CAMTA1: variants seen among roughly 807,000 people sequenced by gnomAD.
The protein encoded by CAMTA1 is calmodulin binding transcription activator 1, also known as calmodulin-binding transcription activator 1.
In CAMTA1, 27 loss-of-function variants were observed where a neutral mutation model predicts 170.9. The observed-to-expected ratio is 0.16, with a 90% CI of 0.12 to 0.22. The LOEUF (loss-of-function observed/expected upper bound fraction) is 0.22, where lower values mean the gene tolerates loss of function less well. Ranked by LOEUF, CAMTA1 falls within the 10% of genes least tolerant of loss-of-function variation. The probability of loss-of-function intolerance (pLI) is 1.00; values close to 1 mark genes in which losing one functional copy is unlikely to be tolerated. For synonymous variants in CAMTA1, 833 were observed against 891.5 expected, an observed-to-expected ratio of 0.93 and a Z score of 1.17; for missense variants, 1,619 against 2,217.2, an observed-to-expected ratio of 0.73 and a Z score of 5.42.
intron 3 of CAMTA1, among the ~76,000 whole-genome samples, chr1:6,889,760 G>T (rs1328131397): frequency 6.6e-6 from 1 of 152,092 alleles, no homozygotes; most frequent in South Asian, 2.1e-4. Context: ...TTATCCATAC[G>T]ACAACCCCTG....
intron 4 of CAMTA1, among the ~76,000 whole-genome samples, chr1:7,217,354 A>G (rs2149104725): frequency 6.6e-6 from 1 of 152,326 alleles, no homozygotes; most frequent in Non-Finnish European, 1.5e-5. Context: ...CTTTCCTTTT[A>G]TAAATTACCC....
rs1429541097 is a variant in CAMTA1, at chr1:7,562,913, C to T, written c.511-77487C>T. 6.6e-6 allele frequency among the ~76,000 whole-genome samples: 1 copy of T among 152,190 alleles called. No homozygotes were observed. Among genetic ancestry groups the T allele is most frequent in the East Asian group, 1.9e-4 (1 of 5,176 alleles). On this transcript the variant is annotated intron_variant, in intron 6 of 22. Coordinates refer to ENST00000303635, the MANE Select transcript of CAMTA1 (RefSeq NM_015215.4). This position sits in a 1 kb window ranked among gnomAD's most constrained non-coding sequence, Gnocchi z 4.8. ...TCCCAGGGCCCCATGGGCTGTTTAG[C>T]CAGAGCTTGGGGCCCACCCACCCCA... is the stretch of plus-strand genomic sequence containing the variant.
At chr1:7,022,313 G>C (rs1290965958) in intron 3 of CAMTA1, among the ~76,000 whole-genome samples, 1 of 152,014 alleles carries the variant, frequency 6.6e-6, no homozygotes, top group Non-Finnish European at 1.5e-5. Context: ...CTTCCCTCCA[G>C]ACTTTGGCTG....
chr1:7,385,847 T>C (rs943497021), intron 5 of CAMTA1, among the ~76,000 whole-genome samples: 2 of 152,134 alleles, frequency 1.3e-5, no homozygotes, highest in African/African-American at 4.8e-5. Context: ...ACGGTCTGAT[T>C]GAAATCCGAG....
chr1:7,260,026 C>T lies in CAMTA1; in HGVS notation c.438+10400C>T, dbSNP rs749957097. Among the ~76,000 whole-genome samples, 64 of 152,224 alleles carry T rather than the reference C, an allele frequency of 4.2e-4. 1 individual carries two copies. Among genetic ancestry groups the T allele is most frequent in the Non-Finnish European group, 1.5e-4 (10 of 68,032 alleles). On this transcript the variant is annotated intron_variant, in intron 5 of 22. Coordinates refer to ENST00000303635, the MANE Select transcript of CAMTA1 (RefSeq NM_015215.4). Reference sequence around the variant, plus strand: ...TGGACCTTTAAAACAAAGGGCCAGACAGTAAATCTTTTCAGTTTTGCGAGC... The same window carrying T: ...TGGACCTTTAAAACAAAGGGCCAGATAGTAAATCTTTTCAGTTTTGCGAGC...
chr1:7,037,852 G>T (rs1277205953), intron 3 of CAMTA1, among the ~76,000 whole-genome samples: 1 of 148,570 alleles, frequency 6.7e-6, no homozygotes, highest in African/African-American at 2.5e-5. Context: ...AAAAAAAAAT[G>T]CAGCTTTGGG....
chr1:7,236,421 C>T (rs1215917364), intron 4 of CAMTA1, among the ~76,000 whole-genome samples: 2 of 152,134 alleles, frequency 1.3e-5, no homozygotes, highest in East Asian at 1.9e-4. Context: ...TTGCCATGGG[C>T]GGTTCTTGGG....
At chr1:6,932,592 G>A (rs1025868058) in intron 3 of CAMTA1, among the ~76,000 whole-genome samples, 1 of 152,162 alleles carries the variant, frequency 6.6e-6, no homozygotes. Flanking sequence ...AAGTGACCAC[G>A]CTGTTTTCTA....
At chr1:7,367,039 AT>A (rs2086024602) in intron 5 of CAMTA1, among the ~76,000 whole-genome samples, 2 of 152,118 alleles carry the variant, frequency 1.3e-5, no homozygotes, top group Admixed American at 6.5e-5. Context: ...TTAAAAAAAA[AT>A]ATCCTGCTGA....
At chr1:7,256,856 T>C (rs1239018994) in intron 5 of CAMTA1, among the ~76,000 whole-genome samples, 1 of 152,000 alleles carries the variant, frequency 6.6e-6, no homozygotes, top group Non-Finnish European at 1.5e-5. Flanking sequence ...TTTTGGTGTC[T>C]GGCGAGGGCC....
chr1:7,629,949 A>G (rs758202923), intron 6 of CAMTA1, among the ~76,000 whole-genome samples: 1 of 152,038 alleles, frequency 6.6e-6, no homozygotes. Flanking sequence ...CTCGCCCTGC[A>G]CGTCACTGCC....
At chr1:7,302,326 G>A (rs964321282) in intron 5 of CAMTA1, among the ~76,000 whole-genome samples, 1 of 151,940 alleles carries the variant, frequency 6.6e-6, no homozygotes, top group Non-Finnish European at 1.5e-5. Context: ...ACCTCTCACC[G>A]ACAATAACAG....
At chr1:7,230,618 A>G (rs1366000372) in intron 4 of CAMTA1, among the ~76,000 whole-genome samples, 1 of 152,110 alleles carries the variant, frequency 6.6e-6, no homozygotes. Flanking sequence ...CGAGAAAATC[A>G]TTGTTTAGCC....
At chr1:7,360,453 A>G (rs1159585763) in intron 5 of CAMTA1, among the ~76,000 whole-genome samples, 2 of 152,178 alleles carry the variant, frequency 1.3e-5, no homozygotes, top group African/African-American at 2.4e-5. Context: ...CAGGTCTACC[A>G]TTCACCAGCA....
chr1:7,480,725 C>T (rs1480669631), intron 6 of CAMTA1, among the ~76,000 whole-genome samples: 1 of 152,130 alleles, frequency 6.6e-6, no homozygotes, highest in African/African-American at 2.4e-5. Flanking sequence ...CTGGACTATC[C>T]CTGAGCTGCT....
chr1:7,188,889 AT>A (rs1468327909), intron 4 of CAMTA1, among the ~76,000 whole-genome samples: 1 of 152,156 alleles, frequency 6.6e-6, no homozygotes, highest in Non-Finnish European at 1.5e-5. Flanking sequence ...CCATTATACC[AT>A]TTTCCATAGC....
At chr1:7,008,867 T>C (rs1699388509) in intron 3 of CAMTA1, among the ~76,000 whole-genome samples, 1 of 152,242 alleles carries the variant, frequency 6.6e-6, no homozygotes, top group Non-Finnish European at 1.5e-5. Flanking sequence ...TTTCTATGCC[T>C]TAAGTGACCT....
At chr1:7,440,658 G>T (rs2092498271) in intron 5 of CAMTA1, among the ~76,000 whole-genome samples, 1 of 152,160 alleles carries the variant, frequency 6.6e-6, no homozygotes, top group Non-Finnish European at 1.5e-5. Context: ...GTGGTCCCCG[G>T]ATCCCAGCAC....
chr1:7,375,716 G>T (rs2086793743), intron 5 of CAMTA1, among the ~76,000 whole-genome samples: 1 of 152,244 alleles, frequency 6.6e-6, no homozygotes. Context: ...TAAATACTGG[G>T]GCCTCGATTC....
Sources: allele counts gnomAD v4.1 joint callset (sites outside exome capture counted in the v4.1 genomes callset), GRCh38; gene constraint gnomAD v4.1.1; non-coding constraint Gnocchi (gnomAD v3.1); transcripts MANE v1.5; gene names NCBI Gene and HGNC (gene_info 2026-07-23, HGNC 2026-07-21).